The following DACH2 variants were observed in gnomAD, a reference collection of about 807,000 sequenced individuals.
The protein encoded by DACH2 is dachshund family transcription factor 2, also known as dachshund homolog 2.
In DACH2, 17 loss-of-function variants were observed where a neutral mutation model predicts 35.8. The ratio of observed to expected loss-of-function variants is 0.48; its 90% CI spans 0.33 to 0.71. DACH2 has a LOEUF of 0.71. Ranked by LOEUF, DACH2 falls within the 30% of genes least tolerant of loss-of-function variation. The pLI, the probability that DACH2 is intolerant of heterozygous loss-of-function variation, is 0.02. For synonymous variants in DACH2, 195 were observed against 177.3 expected (o/e 1.10, Z -0.79); for missense variants, 469 against 472.7 (o/e 0.99, Z 0.07).
intron 2 of DACH2, among the ~76,000 whole-genome samples, chrX:86,460,532 C>T (rs1428384720): frequency 2.7e-5 from 3 of 110,285 alleles, no homozygotes; most frequent in Non-Finnish European, 5.7e-5. Flanking sequence ...TATGCAAGAT[C>T]CTTTAGTGAG....
At chrX:86,399,315 T>C (rs1484892210) in intron 2 of DACH2, among the ~76,000 whole-genome samples, 3 of 111,932 alleles carry the variant, frequency 2.7e-5, no homozygotes, top group Admixed American at 9.5e-5. Flanking sequence ...AGCACACTGA[T>C]GGGTCTTGAC....
chrX:86,652,944 T>C (rs116745961), intron 4 of DACH2, among the ~76,000 whole-genome samples: 1,251 of 112,260 alleles, frequency 0.011, 18 homozygotes, highest in African/African-American at 0.038. Flanking sequence ...AATAAGGTCC[T>C]ATTTCTCACG....
chrX:86,525,561 A>T (rs1004929387), intron 3 of DACH2, among the ~76,000 whole-genome samples: 2 of 111,590 alleles, frequency 1.8e-5, no homozygotes, highest in African/African-American at 6.5e-5. Context: ...GTTCCTTGTG[A>T]CAATTCCTGA....
At chrX:86,413,288 C>T (rs184949580) in intron 2 of DACH2, among the ~76,000 whole-genome samples, 1 of 111,915 alleles carries the variant, frequency 8.9e-6, no homozygotes, top group Non-Finnish European at 1.9e-5. Context: ...TGATATAACC[C>T]TGAGGTAGGA....
chrX:86,264,202 C>A (rs1441860595), intron 1 of DACH2, among the ~76,000 whole-genome samples: 1 of 111,542 alleles, frequency 9.0e-6, no homozygotes, highest in East Asian at 2.8e-4. Flanking sequence ...GCAAAACTAG[C>A]AAATTTGTAG....
chrX:86,453,394 C>T (rs182571233), intron 2 of DACH2, among the ~76,000 whole-genome samples: 22 of 111,775 alleles, frequency 2.0e-4, no homozygotes, highest in African/African-American at 7.1e-4. Flanking sequence ...ATTGGTCTAT[C>T]TTATATTGTC....
rs191611018 is a variant in DACH2 at position 86,425,252 on chromosome X, G to A, written c.527+48390G>A. Among the ~76,000 whole-genome samples, 1,179 of 110,159 alleles carry A rather than the reference G, an allele frequency of 0.011. 44 individuals are homozygous for A. In the East Asian group the frequency reaches 0.14, roughly 13 times the overall value. Reference sequence around the variant, plus strand: ...TTTTTGGAAAAGTTTGAATGGTATCGGTATTAGTTCTTCTATAAATGTTTG... The same window carrying A: ...TTTTTGGAAAAGTTTGAATGGTATCAGTATTAGTTCTTCTATAAATGTTTG... On this transcript the variant is annotated intron_variant, in intron 2 of 11. Coordinates refer to ENST00000373125, the MANE Select transcript of DACH2 (RefSeq NM_053281.3).
chrX:86,608,637 G>A (rs1286276960), intron 3 of DACH2, among the ~76,000 whole-genome samples: 2 of 111,424 alleles, frequency 1.8e-5, no homozygotes, highest in African/African-American at 6.5e-5. Flanking sequence ...GTCTGGTGTG[G>A]ATGAAATCCC....
chrX:86,385,609 G>A (rs2036111642), intron 2 of DACH2, among the ~76,000 whole-genome samples: 1 of 111,235 alleles, frequency 9.0e-6, no homozygotes, highest in Admixed American at 9.6e-5. Flanking sequence ...TTACATAAGG[G>A]ACTTGAGCAT....
intron 7 of DACH2, among the ~76,000 whole-genome samples, chrX:86,756,914 CT>C (rs1041523992): frequency 4.5e-5 from 5 of 110,410 alleles, no homozygotes; most frequent in African/African-American, 1.3e-4. Flanking sequence ...ACTTTTATAC[CT>C]TTTTTAAGAG....
intron 3 of DACH2, among the ~76,000 whole-genome samples, chrX:86,550,309 G>T (rs966867196): frequency 2.1e-4 from 23 of 111,295 alleles, no homozygotes; most frequent in African/African-American, 7.5e-4. Flanking sequence ...TTATAGGAGA[G>T]AATTGAATTT....
At chrX:86,662,909 AC>A (rs1251062684) in intron 4 of DACH2, among the ~76,000 whole-genome samples, 2 of 111,721 alleles carry the variant, frequency 1.8e-5, no homozygotes, top group Non-Finnish European at 3.8e-5. Context: ...TATGCGCTAT[AC>A]ACATATATAG....
At chrX:86,496,608 T>C (rs1410852015) in intron 2 of DACH2, among the ~76,000 whole-genome samples, 2 of 110,538 alleles carry the variant, frequency 1.8e-5, no homozygotes, top group African/African-American at 6.6e-5. Context: ...GGAGAATTGT[T>C]ATGATCACCC....
intron 1 of DACH2, among the ~76,000 whole-genome samples, chrX:86,196,766 A>C (rs980776401): frequency 9.2e-6 from 1 of 109,256 alleles, no homozygotes; most frequent in Non-Finnish European, 1.9e-5. Flanking sequence ...TTATGTAAAG[A>C]AACTAAATCT....
chrX:86,514,275 A>G lies in DACH2; in HGVS notation c.528-4A>G, dbSNP rs1316737182. On this transcript the variant is annotated splice_region_variant and splice_polypyrimidine_tract_variant and intron_variant, in intron 2 of 11. Coordinates refer to ENST00000373125, the MANE Select transcript of DACH2 (RefSeq NM_053281.3). ...TTTATCTATATTTGTCTGTTTTTCA[A>G]CAGTTCAAGACCCGGCAGGCCCCCT... is the stretch of plus-strand genomic sequence containing the variant. 1 of 1,207,491 alleles carries G rather than the reference A, an allele frequency of 8.3e-7. No individual in the cohort carries two copies. Among genetic ancestry groups the G allele is most frequent in the East Asian group, 3.0e-5 (1 of 33,772 alleles).
At chrX:86,390,704 C>G (rs2148117533) in intron 2 of DACH2, among the ~76,000 whole-genome samples, 1 of 110,005 alleles carries the variant, frequency 9.1e-6, no homozygotes, top group South Asian at 4.0e-4. Context: ...ATTCTGCTGC[C>G]TCAGCCTCCG....
At chrX:86,181,154 G>GTCTATCTATCTA (rs370859606) in intron 1 of DACH2, among the ~76,000 whole-genome samples, 8,935 of 101,380 alleles carry the variant, frequency 0.088, 371 homozygotes, top group African/African-American at 0.13. Flanking sequence ...ATGTCTGACT[G>GTCTATCTATCTA]TCTATCTATC....
At chrX:86,304,043 T>A (rs2034628149) in intron 1 of DACH2, among the ~76,000 whole-genome samples, 1 of 111,577 alleles carries the variant, frequency 9.0e-6, no homozygotes, top group African/African-American at 3.3e-5. Context: ...GATAAACTAC[T>A]GAAACAAAAT....
chrX:86,639,230 C>G (rs746289986), intron 3 of DACH2, among the ~76,000 whole-genome samples: 1 of 111,485 alleles, frequency 9.0e-6, no homozygotes, highest in Non-Finnish European at 1.9e-5. Flanking sequence ...AAAGCAAGAC[C>G]GGAAAACAGC....
Sources: gnomAD v4.1 joint callset for allele counts (sites outside exome capture counted in the v4.1 genomes callset) on GRCh38, gnomAD v4.1.1 for gene constraint, MANE v1.5 for transcripts, NCBI Gene and HGNC (gene_info 2026-07-23, HGNC 2026-07-21) for gene names.